GPATCH8: variants seen among roughly 807,000 people sequenced by gnomAD.
GPATCH8 encodes G patch domain-containing protein 8.
In GPATCH8, 18 loss-of-function variants were observed where a neutral mutation model predicts 118.3. That is an observed-to-expected ratio of 0.15 (90% CI 0.11 to 0.23). The LOEUF (loss-of-function observed/expected upper bound fraction) is 0.23, where lower values mean the gene tolerates loss of function less well. GPATCH8 is among the 10% of genes least tolerant of loss of function. The pLI is 1.00. For synonymous variants in GPATCH8, 659 were observed against 684.7 expected, an observed-to-expected ratio of 0.96 and a Z score of 0.59; for missense variants, 1,631 against 1,873.8, an observed-to-expected ratio of 0.87 and a Z score of 2.39.
intron 3 of GPATCH8, among the ~76,000 whole-genome samples, chr17:44,448,894 C>T (rs1460910235): frequency 2.0e-5 from 3 of 151,676 alleles, no homozygotes; most frequent in Non-Finnish European, 4.4e-5. Context: ...TTCTTAGAAG[C>T]CTGTTATTCA....
intron 6 of GPATCH8, among the ~76,000 whole-genome samples, chr17:44,415,539 T>C (rs1195373826): frequency 2.0e-5 from 3 of 152,170 alleles, no homozygotes; most frequent in Non-Finnish European, 4.4e-5. Context: ...TCAATCTGTA[T>C]TTACATAGCA....
intron 3 of GPATCH8, among the ~76,000 whole-genome samples, chr17:44,464,108 C>G (rs575348140): frequency 6.6e-6 from 1 of 152,232 alleles, no homozygotes; most frequent in East Asian, 1.9e-4. Flanking sequence ...CTTTATAATA[C>G]TGAAGCCAGA....
chr17:44,410,170 T>C (rs1339819777), intron 6 of GPATCH8, among the ~76,000 whole-genome samples: 4 of 152,192 alleles, frequency 2.6e-5, no homozygotes, highest in Non-Finnish European at 5.9e-5. Flanking sequence ...TTTTCCAAAA[T>C]TGCCTATTTT....
At chr17:44,413,333 T>C (rs770141001) in intron 6 of GPATCH8, among the ~76,000 whole-genome samples, 1 of 152,310 alleles carries the variant, frequency 6.6e-6, no homozygotes, top group East Asian at 1.9e-4. Flanking sequence ...TACAGTGGCA[T>C]GATCTCAGCT....
intron 1 of GPATCH8, among the ~76,000 whole-genome samples, chr17:44,496,805 G>A (rs990357058): frequency 2.6e-5 from 4 of 152,146 alleles, no homozygotes; most frequent in Non-Finnish European, 4.4e-5. Flanking sequence ...TTTGGTATAA[G>A]AACGACCATA....
chr17:44,501,683 A>C (rs1286081125), intron 1 of GPATCH8, among the ~76,000 whole-genome samples: 2 of 152,142 alleles, frequency 1.3e-5, no homozygotes, highest in Non-Finnish European at 2.9e-5. Flanking sequence ...ATCTTCATTA[A>C]AGGCCCTGAA....
chr17:44,400,462 GGAA>G lies in GPATCH8; in HGVS notation c.1612_1614del (p.Phe538del), dbSNP rs774984726. 3 of 1,614,052 alleles carry G rather than the reference GGAA, an allele frequency of 1.9e-6. No individual in the cohort carries two copies. Among genetic ancestry groups the G allele is most frequent in the Non-Finnish European group, 1.7e-6 (2 of 1,180,012 alleles). ...GTGCTTTCATCTTTGCTCAAAACTG[GGAA>G]GAAGGGACCAGTAGGATGTTTGGGT... On this transcript the variant is annotated inframe_deletion, in exon 8 of 8. Coordinates refer to ENST00000591680, the MANE Select transcript of GPATCH8 (RefSeq NM_001002909.4).
intron 3 of GPATCH8, among the ~76,000 whole-genome samples, chr17:44,456,664 C>A (rs939589199): frequency 6.6e-6 from 1 of 151,804 alleles, no homozygotes; most frequent in Non-Finnish European, 1.5e-5. Context: ...AAAATGTAGT[C>A]TAAACATATT....
chr17:44,483,651 T>G (rs1968526193), intron 1 of GPATCH8, among the ~76,000 whole-genome samples: 1 of 152,002 alleles, frequency 6.6e-6, no homozygotes, highest in Non-Finnish European at 1.5e-5. Flanking sequence ...CTTTATTTTT[T>G]ATTTTTTTGA....
chr17:44,405,416 C>G (rs2049183131), intron 7 of GPATCH8, among the ~76,000 whole-genome samples: 1 of 151,858 alleles, frequency 6.6e-6, no homozygotes, highest in Admixed American at 6.6e-5. Flanking sequence ...CCATGTTGGT[C>G]AGGCTGGTCT....
intron 3 of GPATCH8, among the ~76,000 whole-genome samples, chr17:44,453,170 C>T (rs2051180538): frequency 6.6e-6 from 1 of 152,148 alleles, no homozygotes; most frequent in South Asian, 2.1e-4. Context: ...TACCTCTGCT[C>T]TGATCAAGGT....
chr17:44,487,479 T>A (rs1598623809), intron 1 of GPATCH8, among the ~76,000 whole-genome samples: 1 of 152,238 alleles, frequency 6.6e-6, no homozygotes, highest in East Asian at 1.9e-4. Flanking sequence ...GTTTTTGGTT[T>A]TTGTGTAGAC....
intron 1 of GPATCH8, among the ~76,000 whole-genome samples, chr17:44,483,817 TG>T (rs1179625530): frequency 7.9e-6 from 1 of 127,290 alleles, no homozygotes; most frequent in Non-Finnish European, 1.8e-5. Flanking sequence ...AATTTTTGTT[TG>T]GTTGTTTTTG....
At chr17:44,438,098 C>A (rs2050576053) in intron 3 of GPATCH8, among the ~76,000 whole-genome samples, 1 of 152,002 alleles carries the variant, frequency 6.6e-6, no homozygotes, top group South Asian at 2.1e-4. Context: ...AGCAAAAGGA[C>A]CAAATTAAAG....
intron 6 of GPATCH8, among the ~76,000 whole-genome samples, chr17:44,422,720 C>T (rs1440801340): frequency 7.9e-5 from 12 of 151,078 alleles, no homozygotes; most frequent in Admixed American, 3.3e-4. Flanking sequence ...CCTCGTGATC[C>T]GCCCGCCTCG....
intron 3 of GPATCH8, among the ~76,000 whole-genome samples, chr17:44,448,509 G>T (rs1334821992): frequency 3.5e-5 from 4 of 115,616 alleles, no homozygotes; most frequent in East Asian, 5.8e-4. Context: ...AAAAAGGGGG[G>T]GGGGGGAAGA....
intron 3 of GPATCH8, among the ~76,000 whole-genome samples, chr17:44,443,330 T>A (rs942474123): frequency 2.6e-5 from 4 of 152,188 alleles, no homozygotes; most frequent in African/African-American, 9.6e-5. Flanking sequence ...AAACACTGAA[T>A]AAAAAATGGT....
intron 4 of GPATCH8, among the ~76,000 whole-genome samples, chr17:44,435,744 G>A (rs1189814588): frequency 6.9e-6 from 1 of 144,938 alleles, no homozygotes. Flanking sequence ...AATTGAGGCT[G>A]GGCACAGTGG....
At position 44,433,627 on chromosome 17, in the gene GPATCH8, G is replaced by A. The variant is rs182599735; in HGVS notation, c.348+1438C>T. Among the ~76,000 whole-genome samples the A allele has an allele frequency of 1.1e-4, 16 of 152,272 alleles. No homozygotes were observed. In the East Asian group the frequency reaches 3.1e-3, roughly 29 times the overall value. On this transcript the variant is annotated intron_variant, in intron 5 of 7. Coordinates refer to ENST00000591680, the MANE Select transcript of GPATCH8 (RefSeq NM_001002909.4). ...AAAATTTAACCAAGTGAAAGATGAT[G>A]AAACATGGTGTCATGACCACTCTTG... is the stretch of plus-strand genomic sequence containing the variant.
Sources: allele counts gnomAD v4.1 joint callset (sites outside exome capture counted in the v4.1 genomes callset), GRCh38; gene constraint gnomAD v4.1.1; transcripts MANE v1.5; gene names NCBI Gene and HGNC (gene_info 2026-07-23, HGNC 2026-07-21).